Variants in DDX41 observed in about 807,000 individuals in gnomAD.
DDX41 encodes probable ATP-dependent RNA helicase DDX41.
Under a neutral mutation model 78.8 loss-of-function variants are expected in DDX41, and 50 were observed. The observed-to-expected ratio is 0.63, with a 90% CI of 0.51 to 0.80. The LOEUF (loss-of-function observed/expected upper bound fraction) is 0.80. Among genes scored for constraint, DDX41 ranks in the 30% least tolerant of loss-of-function variants. The pLI is 0.00. For synonymous variants in DDX41, 381 were observed against 321.5 expected (o/e 1.19, Z -1.98); for missense variants, 633 against 849.2 (o/e 0.75, Z 3.16).
In DDX41 at chr5:177,512,566, G is replaced by A. The variant is rs148853192; in HGVS notation, c.1479C>T (p.Ser493=). The change falls in exon 14 of 17, where the codon TCC becomes TCT. Residue 493 remains serine (S), a synonymous_variant. Transcript: ENST00000330503. ...GGATGGCAGGGAAGTCCAGGCCCTTGGAGGCAACGTCTGTGGCTACTAGGA... is the reference window on the plus strand; with the variant it reads ...GGATGGCAGGGAAGTCCAGGCCCTTAGAGGCAACGTCTGTGGCTACTAGGA... ...KDVLVATDVA[S]KGLDFPAIQH... The A allele has an allele frequency of 2.8e-4, 460 of 1,614,176 alleles. 2 individuals are homozygous for A. The East Asian group carries it at 7.1e-3, about 25-fold the overall frequency.
chr5:177,516,737 G>C lies in DDX41; in HGVS notation c.126C>G (p.Arg42=), dbSNP rs201516083. The change falls in exon 2 of 17, where the codon CGC becomes CGG. Residue 42 remains arginine, a synonymous_variant. Transcript: ENST00000330503. ...DYVPYVPLRQ[R]RQLLLQKLLQ... ...GCGTGCCCCTCACCAGTAGCTGCCG[G>C]CGCTGCCGTAACGGCACATAGGGCA... 1.1e-5 allele frequency: 17 copies of C among 1,604,146 alleles called. No homozygotes were observed. In the Admixed American group the frequency reaches 2.9e-4, roughly 27 times the overall value.
chr5:177,513,286 C>T lies in DDX41; in HGVS notation c.1230+67G>A, dbSNP rs887172302. The stretch of plus-strand genomic sequence containing the variant: ...AAGGTGGACCCCCGGCTCCAATCAG[C>T]TTCAGGGAGACTTGTCAGATCCAGC... On this transcript the variant is annotated intron_variant, in intron 11 of 16. Coordinates refer to ENST00000330503, the MANE Select transcript of DDX41 (RefSeq NM_016222.4). This position sits in a 1 kb window ranked among gnomAD's most constrained non-coding sequence, Gnocchi z 4.6. 6.2e-7 allele frequency: 1 copy of T among 1,607,502 alleles called. No individual in the cohort carries two copies. The highest frequency in any genetic ancestry group is 8.5e-7 in the Non-Finnish European group (1 of 1,176,210).
chr5:177,511,997 G>C, intron 16 of DDX41, 70 bp from the exon 17 acceptor site: 1 of 1,606,206 alleles, frequency 6.2e-7, no homozygotes, highest in South Asian at 1.1e-5. Flanking sequence ...CGGGCCCCCC[G>C]TTAGGCACCC....
At position 177,514,002 on chromosome 5, in the gene DDX41, C is replaced by A. The variant is rs138181417; in HGVS notation, c.936-155G>T. Among the ~76,000 whole-genome samples, 201 of 152,280 alleles carry A rather than the reference C, an allele frequency of 1.3e-3. No homozygotes were observed. Among genetic ancestry groups the A allele is most frequent in the Non-Finnish European group, 2.2e-3 (147 of 67,998 alleles). Reference sequence around the variant, plus strand: ...TTCCCACCACCTGCCCTATGTATAGCACACAGCTCTTTCCCAAGGCACTGC... The same window carrying A: ...TTCCCACCACCTGCCCTATGTATAGAACACAGCTCTTTCCCAAGGCACTGC... On this transcript the variant is annotated intron_variant, in intron 9 of 16. Transcript: ENST00000330503. The surrounding 1 kb of genome is among the most constrained non-coding windows in gnomAD (Gnocchi z 4.2).
rs777790499 is a variant in DDX41, at chr5:177,516,394, C to T, written c.192G>A (p.Gln64=). 7 of 1,613,868 alleles carry T rather than the reference C, an allele frequency of 4.3e-6. No homozygotes were observed. The African/African-American group carries it at 8.0e-5, about 18-fold the overall frequency. ...CTCCCCGGGGTTCACTACCGCTGTC[C>T]TGCTGCTCTTCCTCCGCAGCTCCCT... ...RRKGAAEEEQ[Q]DSGSEPRGDE... is the part of the protein sequence containing the mutation. The change falls in exon 3 of 17, where the codon CAG becomes CAA. Residue 64 remains glutamine, a synonymous_variant. Transcript: ENST00000330503.
Position 177,513,977 on chromosome 5 carries a change from T to G in DDX41, c.936-130A>C. 3 of 913,954 alleles carry G rather than the reference T, an allele frequency of 3.3e-6. No individual in the cohort carries two copies. Among genetic ancestry groups the G allele is most frequent in the Non-Finnish European group, 5.1e-6 (3 of 586,866 alleles). The allele number at this position is 913,954 out of a possible 1,614,324, so 56.6% of individuals were successfully genotyped here. The stretch of plus-strand genomic sequence containing the variant: ...TTCTTTGTCTGTCCCCTTCTCATCA[T>G]TCCCACCACCTGCCCTATGTATAGC... On this transcript the variant is annotated intron_variant, in intron 9 of 16. Transcript: ENST00000330503. This position sits in a 1 kb window ranked among gnomAD's most constrained non-coding sequence, Gnocchi z 4.6.
chr5:177,513,881 C>A lies in DDX41; in HGVS notation c.936-34G>T. 1.2e-6 allele frequency: 2 copies of A among 1,609,270 alleles called. No individual in the cohort carries two copies. ...CAAGGAGAGACCCTGAGGTTGGGGCCACTGGCCTATCACCTATCTAGAGGC... is the reference window on the plus strand; with the variant it reads ...CAAGGAGAGACCCTGAGGTTGGGGCAACTGGCCTATCACCTATCTAGAGGC... On this transcript the variant is annotated intron_variant, in intron 9 of 16. Coordinates refer to ENST00000330503, the MANE Select transcript of DDX41 (RefSeq NM_016222.4). The surrounding 1 kb of genome is among the most constrained non-coding windows in gnomAD (Gnocchi z 4.6).
rs1296093002 is a variant in DDX41 at position 177,512,848 on chromosome 5, T to A, written c.1331A>T (p.Asp444Val). 6.2e-7 allele frequency: 1 copy of A among 1,613,896 alleles called. No individual in the cohort carries two copies. The highest frequency in any genetic ancestry group is 1.7e-5 in the Admixed American group (1 of 60,010). ...CAGGTACTCGTGGATGGCGTCCACG[T>A]CTGCCTTCTTCTCTGCAAAGATGAG... ...PVLIFAEKKA[D>V]VDAIHEYLLL... Residue 444 changes from aspartate to valine, a missense_variant, in exon 13 of 17, where the codon GAC becomes GTC. This residue lies in a region of DDX41 where 185 missense variants were observed against 367.4 expected (regional missense o/e 0.50). Transcript: ENST00000330503.
rs758775538 is a variant in DDX41 at position 177,515,801 on chromosome 5, A to C, written c.455T>G (p.Val152Gly). 1.9e-6 allele frequency: 3 copies of C among 1,614,048 alleles called. No individual in the cohort carries two copies. The East Asian group carries it at 6.7e-5, about 36-fold the overall frequency. The change falls in exon 6 of 17, where the codon GTT (valine) becomes GGT (glycine). Residue 152 changes from valine to glycine, a missense_variant. Transcript: ENST00000330503. Reference sequence around the variant, plus strand: ...ATGTCGCTCTTCAGACATGCTCAGAACATAACGGGGTGGAGTCCAGCTGTG... The same window carrying C: ...ATGTCGCTCTTCAGACATGCTCAGACCATAACGGGGTGGAGTCCAGCTGTG... Reference protein sequence around the residue: ...IKTSWTPPRYVLSMSEERHER... With the variant: ...IKTSWTPPRYGLSMSEERHER...
chr5:177,515,316 A>C, intron 6 of DDX41, 58 bp from the exon 7 acceptor site: 1 of 1,576,510 alleles, frequency 6.3e-7, no homozygotes, highest in East Asian at 2.2e-5. Context: ...CAGAGCCCCA[A>C]AGCCTGTAAA....
chr5:177,515,379 A>C (rs1301442811), intron 6 of DDX41, 121 bp from the exon 7 acceptor site: 1 of 1,028,256 alleles, frequency 9.7e-7, no homozygotes, highest in South Asian at 1.3e-5. Flanking sequence ...TCAGAGAGAG[A>C]GAGAGAGAGT....
rs374434769 is a variant in DDX41 at position 177,515,831 on chromosome 5, G to A, written c.435-10C>T. The A allele has an allele frequency of 1.9e-6, 3 of 1,614,042 alleles. No individual in the cohort carries two copies. Among genetic ancestry groups the A allele is most frequent in the African/African-American group, 2.7e-5 (2 of 74,904 alleles). ...ACGGGGTGGAGTCCAGCTGTGGATG[G>A]GTAACAGGGATCAAGAGAGCCCTGG... On this transcript the variant is annotated splice_polypyrimidine_tract_variant and intron_variant, in intron 5 of 16. Transcript: ENST00000330503.
At chr5:177,516,075 A>T (rs1761216899) in intron 4 of DDX41, 44 bp downstream of exon 4, 2 of 1,613,746 alleles carry the variant, frequency 1.2e-6, no homozygotes, top group Non-Finnish European at 1.7e-6. Context: ...GGCTGGGAGG[A>T]GAAGACTCAG....
Position 177,513,673 on chromosome 5 carries a change from C to A in DDX41, c.1098+12G>T. 1 of 1,612,596 alleles carries A rather than the reference C, an allele frequency of 6.2e-7. No individual in the cohort carries two copies. On this transcript the variant is annotated intron_variant, in intron 10 of 16. Transcript: ENST00000330503. This position sits in a 1 kb window ranked among gnomAD's most constrained non-coding sequence, Gnocchi z 4.6. ...GGCGGTGCAGGGTGCCCTGGCCGGG[C>A]GGGGGCGGCACCTTGAAGTAGGAGA...
Position 177,511,692 on chromosome 5 carries a change from G to A in DDX41, c.*99C>T. ...CAGCCTGGCCCATCCCAGGCCAGCT[G>A]AGCTGAAATGCTGATTCTGTCCAGG... is the stretch of plus-strand genomic sequence containing the variant. On this transcript the variant is annotated 3_prime_UTR_variant, in exon 17 of 17. Transcript: ENST00000330503. 2 of 1,524,892 alleles carry A rather than the reference G, an allele frequency of 1.3e-6. No homozygotes were observed. Among genetic ancestry groups the A allele is most frequent in the South Asian group, 1.2e-5 (1 of 83,362 alleles). The allele number at this position is 1,524,892 out of a possible 1,614,324, so 94.5% of individuals were successfully genotyped here. A position where few individuals can be genotyped will look rare whatever the true frequency, so the allele number is the denominator to read the frequency against.
At chr5:177,515,882 G>GC (rs1338919552) in intron 5 of DDX41, 47 bp downstream of exon 5, 1 of 1,614,026 alleles carries the variant, frequency 6.2e-7, no homozygotes. Context: ...GAGCATCCCT[G>GC]CATGTACCAT....
At chr5:177,516,081 C>T in intron 4 of DDX41, 38 bp downstream of exon 4, 1 of 1,613,638 alleles carries the variant, frequency 6.2e-7, no homozygotes, top group South Asian at 1.1e-5. Flanking sequence ...GAGGAGAAGA[C>T]TCAGTCCACC....
intron 12 of DDX41, 34 bp downstream of exon 12, chr5:177,512,977 G>T (rs1581804072): frequency 6.2e-7 from 1 of 1,612,200 alleles, no homozygotes. Flanking sequence ...TGGTCCTGGG[G>T]ACTCTGGCCC....
Position 177,513,446 on chromosome 5 carries a change from C to T in DDX41, c.1137G>A (p.Pro379=), listed in dbSNP as rs144382614. The T allele has an allele frequency of 1.7e-5, 27 of 1,614,052 alleles. No homozygotes were observed. The highest frequency in any genetic ancestry group is 6.7e-5 in the East Asian group (3 of 44,896). The change falls in exon 11 of 17, where the codon CCG becomes CCA. Residue 379 remains proline, a synonymous_variant. Transcript: ENST00000330503. This position sits in a 1 kb window ranked among gnomAD's most constrained non-coding sequence, Gnocchi z 4.6. Reference sequence around the variant, plus strand: ...TCTTAGCAAAGTTCTGAATCTTCTTCGGCATGGTGGCACTGAAGAGCAGGG... The same window carrying T: ...TCTTAGCAAAGTTCTGAATCTTCTTTGGCATGGTGGCACTGAAGAGCAGGG... The part of the protein sequence containing the change: ...RQTLLFSATM[P]KKIQNFAKSA...
Sources: allele counts gnomAD v4.1 joint callset (sites outside exome capture counted in the v4.1 genomes callset), GRCh38; gene constraint gnomAD v4.1.1; regional missense constraint gnomAD v4.1.1; non-coding constraint Gnocchi (gnomAD v3.1); transcripts MANE v1.5; gene names NCBI Gene and HGNC (gene_info 2026-07-23, HGNC 2026-07-21).